Variants in TIMM17A observed in about 807,000 individuals in gnomAD.
TIMM17A encodes translocase of inner mitochondrial membrane 17A, also known as mitochondrial import inner membrane translocase subunit Tim17-A.
A neutral mutation model predicts 26.5 loss-of-function variants in TIMM17A; 15 were observed. That is an observed-to-expected ratio of 0.57 (90% CI 0.38 to 0.87). The LOEUF (loss-of-function observed/expected upper bound fraction) is 0.87, where lower values mean the gene tolerates loss of function less well. TIMM17A is among the 40% of genes least tolerant of loss of function. TIMM17A has a pLI of 0.00. For missense variants in TIMM17A, 201 were observed against 210.0 expected (o/e 0.96, Z 0.27); for synonymous variants, 80 against 70.8 (o/e 1.13, Z -0.66).
chr1:201,959,945 G>A (rs1034431450), intron 3 of TIMM17A, among the ~76,000 whole-genome samples: 9 of 151,904 alleles, frequency 5.9e-5, no homozygotes, highest in Non-Finnish European at 1.0e-4. Flanking sequence ...ACTTGGCAGT[G>A]AGCCCAGATC....
intron 3 of TIMM17A, among the ~76,000 whole-genome samples, chr1:201,959,584 G>A (rs1682485457): frequency 1.3e-5 from 2 of 152,140 alleles, no homozygotes. Context: ...AACCCAGGAG[G>A]TGGAGGTTGC....
At chr1:201,965,407 A>G in intron 4 of TIMM17A, 26 bp from the exon 5 acceptor site, 1 of 1,483,828 alleles carries the variant, frequency 6.7e-7, no homozygotes, top group South Asian at 1.1e-5. Context: ...TGTAAAAAAT[A>G]ATCTCTTTGT....
intron 5 of TIMM17A, among the ~76,000 whole-genome samples, chr1:201,967,807 G>A (rs1338716791): frequency 1.3e-5 from 2 of 152,084 alleles, no homozygotes; most frequent in African/African-American, 4.8e-5. Context: ...AAAGTGCTGG[G>A]ATTACAGGGG....
chr1:201,964,651 T>TTTTTTTTTTTTTTTTTTTTTTTTTTA (rs1558251193), intron 4 of TIMM17A, among the ~76,000 whole-genome samples: 2 of 117,460 alleles, frequency 1.7e-5, no homozygotes, highest in Non-Finnish European at 3.5e-5. Flanking sequence ...TTTTTTTTTT[T>TTTTTTTTTTTTTTTTTTTTTTTTTTA]TTTTTTTTTT....
intron 4 of TIMM17A, among the ~76,000 whole-genome samples, chr1:201,963,963 A>T (rs6694080): frequency 0.074 from 11,232 of 152,080 alleles, 491 homozygotes; most frequent in Middle Eastern, 0.18. Flanking sequence ...CAAAAAAAAA[A>T]ATTTAATTAG....
Position 201,965,499 on chromosome 1 carries a change from C to T in TIMM17A, c.386C>T (p.Ala129Val), listed in dbSNP as rs202092277. The T allele has an allele frequency of 5.6e-6, 9 of 1,614,140 alleles. No individual in the cohort carries two copies. The Admixed American group carries it at 1.2e-4, about 21-fold the overall frequency. ...ATTCTCCTAGCTTTAATTGAAGGAG[C>T]TGGTATCTTGTTGACAAGATTTGCC... ...GGILLALIEGAGILLTRFASA... is the reference protein window; with the variant it reads ...GGILLALIEGVGILLTRFASA... The change falls in exon 5 of 6, where the codon GCT becomes GTT. Residue 129 changes from alanine (A) to valine (V), a missense_variant. By Grantham distance (64) the Ala-to-Val change is moderately conservative. Transcript: ENST00000367287.
chr1:201,956,539 C>T (rs944670803), intron 1 of TIMM17A, among the ~76,000 whole-genome samples: 3 of 152,328 alleles, frequency 2.0e-5, no homozygotes, highest in Admixed American at 2.0e-4. Flanking sequence ...TTCTTCAAAG[C>T]AGTTATCCTC....
At chr1:201,961,178 T>C (rs1193973140) in intron 3 of TIMM17A, among the ~76,000 whole-genome samples, 1 of 151,102 alleles carries the variant, frequency 6.6e-6, no homozygotes, top group Non-Finnish European at 1.5e-5. Context: ...CGATTGTCCA[T>C]CCTCAGCCTC....
chr1:201,969,565 CT>C lies in TIMM17A; in HGVS notation c.*12del. On this transcript the variant is annotated 3_prime_UTR_variant, in exon 6 of 6. Transcript: ENST00000367287. ...CGACAATATCAGTAGGACTTCTTTC[CT>C]AGGATTTCTTTAACAGAACGAGTTG... is the stretch of plus-strand genomic sequence containing the variant. 1 of 1,604,124 alleles carries C rather than the reference CT, an allele frequency of 6.2e-7. No individual in the cohort carries two copies. Among genetic ancestry groups the C allele is most frequent in the Non-Finnish European group, 8.5e-7 (1 of 1,172,164 alleles).
At chr1:201,968,036 G>A (rs957411465) in intron 5 of TIMM17A, among the ~76,000 whole-genome samples, 6 of 151,242 alleles carry the variant, frequency 4.0e-5, no homozygotes, top group South Asian at 2.1e-4. Flanking sequence ...TCGGTCTGTC[G>A]CCCAGGCTGG....
intron 4 of TIMM17A, among the ~76,000 whole-genome samples, chr1:201,964,635 C>CTTTTTTTTTTTTATTTTTTTTTTTT (rs1682591187): frequency 1.1e-5 from 1 of 90,954 alleles, no homozygotes; most frequent in Non-Finnish European, 2.0e-5. Context: ...TATTTTATTT[C>CTTTTTTTTTTTTATTTTTTTTTTTT]TTTTTTTTTT....
At position 201,969,579 on chromosome 1, in the gene TIMM17A, A is replaced by G. The variant is rs1352680499; in HGVS notation, c.*25A>G. ...GGACTTCTTTCCTAGGATTTCTTTA[A>G]CAGAACGAGTTGTGGTTCGAGAAGG... On this transcript the variant is annotated 3_prime_UTR_variant, in exon 6 of 6. Coordinates refer to ENST00000367287, the MANE Select transcript of TIMM17A (RefSeq NM_006335.3). 2 of 1,578,546 alleles carry G rather than the reference A, an allele frequency of 1.3e-6. No homozygotes were observed. Among genetic ancestry groups the G allele is most frequent in the African/African-American group, 2.7e-5 (2 of 74,078 alleles).
At chr1:201,962,680 A>G (rs1327020607) in intron 3 of TIMM17A, 1 of 152,200 alleles carries the variant, frequency 6.6e-6, no homozygotes, top group African/African-American at 2.4e-5. Context: ...TTTAAGTGCA[A>G]AGTAATCTGC....
intron 5 of TIMM17A, among the ~76,000 whole-genome samples, chr1:201,966,435 C>T (rs1293633547): frequency 6.6e-6 from 1 of 152,184 alleles, no homozygotes; most frequent in African/African-American, 2.4e-5. Flanking sequence ...AGGCCACTCA[C>T]TTGACCCCAG....
chr1:201,969,875 G>A lies in TIMM17A; in HGVS notation c.*321G>A, dbSNP rs759363678. The A allele has an allele frequency of 8.4e-5, 16 of 190,076 alleles. No homozygotes were observed. Among genetic ancestry groups the A allele is most frequent in the South Asian group, 1.2e-4 (1 of 8,260 alleles). 11.8% of individuals were successfully genotyped at this position (190,076 alleles called of 1,614,324 possible). A position where few individuals can be genotyped will look rare whatever the true frequency, so the allele number is the denominator to read the frequency against. On this transcript the variant is annotated 3_prime_UTR_variant, in exon 6 of 6. Coordinates refer to ENST00000367287, the MANE Select transcript of TIMM17A (RefSeq NM_006335.3). ...TGAAATATGATCATCATCTCCTTGC[G>A]GACTTCTCTGCCTGGTTTTGTGTGT...
intron 3 of TIMM17A, among the ~76,000 whole-genome samples, chr1:201,959,748 G>A (rs1343605306): frequency 1.3e-5 from 2 of 151,242 alleles, no homozygotes; most frequent in Non-Finnish European, 2.9e-5. Flanking sequence ...GCCGAGGCAG[G>A]TGGATCACAA....
chr1:201,965,316 G>C (rs1682608991), intron 4 of TIMM17A, 117 bp from the exon 5 acceptor site: 2 of 709,966 alleles, frequency 2.8e-6, no homozygotes, highest in Non-Finnish European at 4.9e-6. Context: ...TAGGCAATAA[G>C]AAAGAGTTTG....
intron 4 of TIMM17A, 73 bp downstream of exon 4, chr1:201,963,817 C>T: frequency 6.8e-7 from 1 of 1,467,922 alleles, no homozygotes; most frequent in Non-Finnish European, 9.1e-7. Flanking sequence ...AATTGAATGA[C>T]ATCTGTAATA....
At chr1:201,965,128 T>A (rs942278389) in intron 4 of TIMM17A, among the ~76,000 whole-genome samples, 2 of 151,986 alleles carry the variant, frequency 1.3e-5, no homozygotes, top group Non-Finnish European at 2.9e-5. Context: ...ATTTTTGTAT[T>A]TTTAGTAGAG....
Sources: allele counts gnomAD v4.1 joint callset (sites outside exome capture counted in the v4.1 genomes callset), GRCh38; gene constraint gnomAD v4.1.1; transcripts MANE v1.5; gene names NCBI Gene and HGNC (gene_info 2026-07-23, HGNC 2026-07-21).